Variants in PLAUR observed in about 807,000 individuals in gnomAD.
The protein encoded by PLAUR is urokinase plasminogen activator surface receptor.
Under a neutral mutation model 33.4 loss-of-function variants are expected in PLAUR, and 22 were observed. The ratio of observed to expected loss-of-function variants is 0.66; its 90% CI spans 0.47 to 0.94. The LOEUF is 0.94. Among genes scored for constraint, PLAUR ranks in the 40% least tolerant of loss-of-function variants. The probability of loss-of-function intolerance (pLI) is 0.00; values close to 1 mark genes in which losing one functional copy is unlikely to be tolerated. For synonymous variants in PLAUR, 148 were observed against 167.3 expected (o/e 0.88, Z 0.89); for missense variants, 408 against 434.7 (o/e 0.94, Z 0.55).
chr19:43,654,367 C>T (rs989635253), intron 5 of PLAUR, among the ~76,000 whole-genome samples: 43 of 152,084 alleles, frequency 2.8e-4, no homozygotes, highest in African/African-American at 1.0e-3. Context: ...CATAGGCCAA[C>T]AGAATAAGGT....
chr19:43,652,561 C>T lies in PLAUR; in HGVS notation c.608-190G>A, dbSNP rs4251910. ...TGAGAGAAACCCCAACTTTCAACTC[C>T]CCATGAGTCCCATTTCTGGCCAGGC... On this transcript the variant is annotated intron_variant, in intron 5 of 6. Transcript: ENST00000340093. 7.8e-3 allele frequency among the ~76,000 whole-genome samples: 1,189 copies of T among 152,242 alleles called. 18 individuals are homozygous for T. The highest frequency in any genetic ancestry group is 0.026 in the African/African-American group (1,067 of 41,522).
chr19:43,656,114 G>A (rs576697097), intron 4 of PLAUR, among the ~76,000 whole-genome samples: 9 of 152,108 alleles, frequency 5.9e-5, no homozygotes, highest in African/African-American at 9.6e-5. Context: ...TTAGCAAGGC[G>A]TGGTGATGCA....
chr19:43,668,713 C>T (rs1967385486), intron 1 of PLAUR, among the ~76,000 whole-genome samples: 1 of 151,902 alleles, frequency 6.6e-6, no homozygotes, highest in Admixed American at 6.6e-5. Context: ...AGCTCCTCCC[C>T]GAGGTTATAA....
At chr19:43,649,172 T>A (rs751869422) in intron 6 of PLAUR, 29 bp from the exon 7 acceptor site, 5 of 1,595,486 alleles carry the variant, frequency 3.1e-6, no homozygotes, top group Non-Finnish European at 4.3e-6. Context: ...GAGTGAGACT[T>A]CCAGCTCCTG....
Position 43,660,332 on chromosome 19 carries a change from ATTT to A in PLAUR, c.311-3695_311-3693del, listed in dbSNP as rs58331143. On this transcript the variant is annotated intron_variant, in intron 3 of 6. Transcript: ENST00000340093. Reference sequence around the variant, plus strand: ...AGGTGTGTGCCACCATACCCGGCTAATTTTTTTTTTTTTTGTATCTTTAGTAGA... The same window carrying A: ...AGGTGTGTGCCACCATACCCGGCTAATTTTTTTTTTTGTATCTTTAGTAGA... Among the ~76,000 whole-genome samples, 668 of 144,962 alleles carry A rather than the reference ATTT, an allele frequency of 4.6e-3. 6 individuals are homozygous for A. Among genetic ancestry groups the A allele is most frequent in the Non-Finnish European group, 7.4e-3 (492 of 66,046 alleles).
chr19:43,652,222 C>T lies in PLAUR; in HGVS notation c.754+3G>A, dbSNP rs757056188. 9 of 1,614,018 alleles carry T rather than the reference C, an allele frequency of 5.6e-6. No individual in the cohort carries two copies. In the South Asian group the frequency reaches 8.8e-5, roughly 16 times the overall value. On this transcript the variant is annotated splice_donor_region_variant and intron_variant, in intron 6 of 6. Coordinates refer to ENST00000340093, the MANE Select transcript of PLAUR (RefSeq NM_002659.4). The stretch of plus-strand genomic sequence containing the variant: ...TCCCTCCCAGCCTCGGAGAGGGCCT[C>T]ACCGTGAGTGCCGGTGGCTACCAGA...
At chr19:43,651,381 GTTTTAA>G (rs1722642200) in intron 6 of PLAUR, among the ~76,000 whole-genome samples, 1 of 150,160 alleles carries the variant, frequency 6.7e-6, no homozygotes, top group Non-Finnish European at 1.5e-5. Context: ...CTGGTTCTCA[GTTTTAA>G]TTTTAATGTG....
rs1974027719 is a variant in PLAUR at position 43,652,287 on chromosome 19, T to A, written c.692A>T (p.Glu231Val). 3 of 1,614,142 alleles carry A rather than the reference T, an allele frequency of 1.9e-6. No homozygotes were observed. The highest frequency in any genetic ancestry group is 4.5e-5 in the East Asian group (2 of 44,876). The change falls in exon 6 of 7, where the codon GAG (glutamate) becomes GTG (valine). Residue 231 changes from glutamate to valine, a missense_variant. Glu to Val is a moderately radical substitution (Grantham distance 121). Transcript: ENST00000340093. ...GCCTCGGCAGTCAATGAGGAAAGTC[T>A]CTTCAGAGGAGCATCCATGGGTGCT... Reference protein sequence around the residue: ...GNSTHGCSSEETFLIDCRGPM... With the variant: ...GNSTHGCSSEVTFLIDCRGPM...
chr19:43,646,257 T>C (rs957402059), downstream of PLAUR: 8 of 537,762 alleles, frequency 1.5e-5, no homozygotes, highest in Non-Finnish European at 2.3e-5. Flanking sequence ...TGTTTTGATA[T>C]AGGCACACAA....
intron 5 of PLAUR, 41 bp from the exon 6 acceptor site, chr19:43,652,412 T>G: frequency 6.3e-7 from 1 of 1,595,102 alleles, no homozygotes; most frequent in Non-Finnish European, 8.6e-7. Context: ...AGAAAATTAG[T>G]GCTTGGATCT....
chr19:43,646,117 T>A (rs1973822908), downstream of PLAUR: 1 of 175,710 alleles, frequency 5.7e-6, no homozygotes, highest in Non-Finnish European at 1.2e-5. Context: ...TTTTTTATTT[T>A]TAGTGGAGAT....
At chr19:43,651,721 C>A (rs966515077) in intron 6 of PLAUR, 1 of 817,996 alleles carries the variant, frequency 1.2e-6, no homozygotes, top group African/African-American at 1.9e-5. Flanking sequence ...CAGGCGTGAG[C>A]CACCACACCT....
intron 1 of PLAUR, 109 bp from the exon 2 acceptor site, chr19:43,667,800 T>C (rs1224126660): frequency 1.3e-6 from 2 of 1,495,690 alleles, no homozygotes; most frequent in African/African-American, 2.8e-5. Context: ...GCCCCGTCCA[T>C]TCAGATTCGT....
At chr19:43,652,531 G>A (rs1339991557) in intron 5 of PLAUR, among the ~76,000 whole-genome samples, 160 bp from the exon 6 acceptor site, 1 of 152,112 alleles carries the variant, frequency 6.6e-6, no homozygotes, top group Non-Finnish European at 1.5e-5. Context: ...TGGTTTTCGA[G>A]GGCTTGAGAG....
chr19:43,648,986 A>G lies in PLAUR; in HGVS notation c.912T>C (p.Ser304=), dbSNP rs1600109549. 1 of 1,614,126 alleles carries G rather than the reference A, an allele frequency of 6.2e-7. No individual in the cohort carries two copies. The highest frequency in any genetic ancestry group is 1.1e-5 in the South Asian group (1 of 91,074). The stretch of plus-strand genomic sequence containing the variant: ...CAGGGCCAGGCTGAGGAGCAGCCCC[A>G]CTGCGGTACTGGACATCCAGGTCTG... The part of the protein sequence containing the change: ...NHPDLDVQYR[S]GAAPQPGPAH... The change falls in exon 7 of 7, where the codon AGT becomes AGC. Residue 304 remains serine (S), a synonymous_variant. Transcript: ENST00000340093.
chr19:43,662,340 T>C (rs531245295), intron 3 of PLAUR, among the ~76,000 whole-genome samples: 3 of 151,554 alleles, frequency 2.0e-5, no homozygotes, highest in Non-Finnish European at 2.9e-5. Context: ...TACTAAAAAT[T>C]CAAAAAAATT....
chr19:43,652,708 T>G (rs1285093780), intron 5 of PLAUR, among the ~76,000 whole-genome samples: 1 of 152,130 alleles, frequency 6.6e-6, no homozygotes, highest in Non-Finnish European at 1.5e-5. Flanking sequence ...TGGAGTGCAG[T>G]GGCGCAATTG....
chr19:43,663,082 C>T (rs1336087314), intron 3 of PLAUR, among the ~76,000 whole-genome samples: 1 of 152,080 alleles, frequency 6.6e-6, no homozygotes. Flanking sequence ...TGACCTGAGT[C>T]AGGTATCTCC....
chr19:43,667,360 C>G (rs2146288368), intron 2 of PLAUR: 1 of 580,234 alleles, frequency 1.7e-6, no homozygotes, highest in East Asian at 2.9e-5. Flanking sequence ...GTTGATGTGC[C>G]AATTTACTCC....
Sources: allele counts gnomAD v4.1 joint callset (sites outside exome capture counted in the v4.1 genomes callset), GRCh38; gene constraint gnomAD v4.1.1; transcripts MANE v1.5; gene names NCBI Gene and HGNC (gene_info 2026-07-23, HGNC 2026-07-21).